The following MYO16 variants were observed in gnomAD, a reference collection of about 807,000 sequenced individuals.
MYO16 encodes myosin XVI, also known as unconventional myosin-XVI.
Under a neutral mutation model 205.3 loss-of-function variants are expected in MYO16, and 94 were observed. That is an observed-to-expected ratio of 0.46 (90% CI 0.39 to 0.54). MYO16 has a LOEUF of 0.54. Ranked by LOEUF, MYO16 falls within the 20% of genes least tolerant of loss-of-function variation. MYO16 has a pLI of 0.00. For synonymous variants in MYO16, 988 were observed against 954.0 expected (o/e 1.04, Z -0.66); for missense variants, 2,315 against 2,387.5 (o/e 0.97, Z 0.63).
chr13:108,898,386 G>GTGTC (rs1214966012), intron 15 of MYO16, among the ~76,000 whole-genome samples: 1 of 140,836 alleles, frequency 7.1e-6, no homozygotes, highest in African/African-American at 2.6e-5. Context: ...GTGTGTGTGT[G>GTGTC]TGTATACATA....
At position 108,869,520 on chromosome 13, in the gene MYO16, C is replaced by A. The variant is rs939120742; in HGVS notation, c.1425+3278C>A. ...CGGGCGAATCACGAGGTCAGGAGAT[C>A]GAGACCATCCTGGCTAACACGATGA... On this transcript the variant is annotated intron_variant, in intron 12 of 34. Transcript: ENST00000457511. 1.7e-4 allele frequency among the ~76,000 whole-genome samples: 25 copies of A among 150,708 alleles called. 1 individual carries two copies. In the East Asian group the frequency reaches 4.7e-3, roughly 28 times the overall value.
chr13:109,020,788 A>T (rs978879901), intron 23 of MYO16, among the ~76,000 whole-genome samples: 5 of 152,022 alleles, frequency 3.3e-5, no homozygotes, highest in African/African-American at 1.2e-4. Context: ...AAAATCTCTC[A>T]CCGCTGTCTT....
intron 23 of MYO16, among the ~76,000 whole-genome samples, chr13:109,044,869 TAGTAG>T (rs1886989469): frequency 6.6e-6 from 1 of 152,136 alleles, no homozygotes; most frequent in African/African-American, 2.4e-5. Context: ...TTTGTATTTT[TAGTAG>T]AGATGGGGTT....
chr13:108,973,559 C>G (rs752173118), intron 20 of MYO16, among the ~76,000 whole-genome samples: 13 of 152,076 alleles, frequency 8.5e-5, no homozygotes, highest in Non-Finnish European at 1.5e-4. Flanking sequence ...ACAACGTTGC[C>G]CCTGTGTCCC....
At chr13:108,682,892 C>CTT (rs1050326713) in intron 2 of MYO16, among the ~76,000 whole-genome samples, 1 of 152,084 alleles carries the variant, frequency 6.6e-6, no homozygotes, top group African/African-American at 2.4e-5. Flanking sequence ...CTGGATGCAT[C>CTT]TTTATTGATC....
chr13:108,619,845 G>C (rs573286787), intron 1 of MYO16, among the ~76,000 whole-genome samples: 1 of 152,182 alleles, frequency 6.6e-6, no homozygotes, highest in East Asian at 1.9e-4. Context: ...AGTTCATCAG[G>C]CAAGGGACGA....
intron 15 of MYO16, among the ~76,000 whole-genome samples, chr13:108,907,278 A>G (rs922495178): frequency 6.6e-6 from 1 of 152,166 alleles, no homozygotes; most frequent in African/African-American, 2.4e-5. Context: ...ATCTGCAAAC[A>G]TATATATTTT....
At chr13:108,751,061 TCACACACACA>T (rs35604385) in intron 4 of MYO16, among the ~76,000 whole-genome samples, 2 of 149,854 alleles carry the variant, frequency 1.3e-5, no homozygotes, top group East Asian at 2.0e-4. Flanking sequence ...ATATGTGTGT[TCACACACACA>T]CACACACACA....
At chr13:108,663,459 A>G (rs1448540973) in intron 1 of MYO16, among the ~76,000 whole-genome samples, 4 of 152,224 alleles carry the variant, frequency 2.6e-5, no homozygotes, top group African/African-American at 7.2e-5. Context: ...GAATCAATTT[A>G]TAAACTAATG....
intron 20 of MYO16, among the ~76,000 whole-genome samples, chr13:108,971,530 C>T (rs1331772604): frequency 6.6e-6 from 1 of 150,822 alleles, no homozygotes; most frequent in Non-Finnish European, 1.5e-5. Flanking sequence ...GATATGACAT[C>T]CACTTTTTTG....
chr13:108,654,342 C>G (rs1031911134), intron 1 of MYO16, among the ~76,000 whole-genome samples: 2 of 152,146 alleles, frequency 1.3e-5, no homozygotes, highest in Non-Finnish European at 2.9e-5. Flanking sequence ...GGAAGTCTCA[C>G]GAGATCTGAT....
rs1877001869 is a variant in MYO16 at position 109,140,503 on chromosome 13, G to A, written c.4291G>A (p.Glu1431Lys). 2 of 1,549,590 alleles carry A rather than the reference G, an allele frequency of 1.3e-6. No individual in the cohort carries two copies. The highest frequency in any genetic ancestry group is 1.2e-5 in the South Asian group (1 of 85,322). ...AAPPGDEDDS[E>K]PVYIEMLGHA... is the part of the protein sequence containing the mutation. Reference sequence around the variant, plus strand: ...GCCTCCGGGTGACGAGGACGACAGCGAGCCTGTGTACATCGAGATGCTGGG... The same window carrying A: ...GCCTCCGGGTGACGAGGACGACAGCAAGCCTGTGTACATCGAGATGCTGGG... The change falls in exon 32 of 35, where the codon GAG becomes AAG. Residue 1431 changes from glutamate to lysine, a missense_variant. Physicochemically the swap from Glu to Lys is moderately conservative, Grantham distance 56. Around this residue, in one of 3 missense-constraint regions of MYO16, gnomAD observed 1,097 missense variants for 1,092.0 expected, o/e 1.00. Transcript: ENST00000457511. This position sits in a 1 kb window ranked among gnomAD's most constrained non-coding sequence, Gnocchi z 8.0.
intron 1 of MYO16, among the ~76,000 whole-genome samples, chr13:108,654,224 G>T (rs1031353516): frequency 2.0e-5 from 3 of 152,132 alleles, no homozygotes; most frequent in African/African-American, 7.2e-5. Flanking sequence ...TTCCCACCCA[G>T]TTCTCATCTT....
chr13:109,105,694 G>A (rs1351450025), intron 28 of MYO16, among the ~76,000 whole-genome samples: 3 of 152,272 alleles, frequency 2.0e-5, no homozygotes, highest in Non-Finnish European at 1.5e-5. Context: ...TTGTGAGAAA[G>A]CTGTAAGTCA....
At chr13:108,985,910 G>A (rs1377113879) in intron 20 of MYO16, among the ~76,000 whole-genome samples, 2 of 152,034 alleles carry the variant, frequency 1.3e-5, no homozygotes, top group Admixed American at 6.6e-5. Flanking sequence ...CTGTTTTCAC[G>A]CTGCTGATAA....
chr13:109,116,705 C>T (rs1156905946), intron 28 of MYO16, among the ~76,000 whole-genome samples: 1 of 152,234 alleles, frequency 6.6e-6, no homozygotes, highest in Non-Finnish European at 1.5e-5. Context: ...TTCCCCTTTT[C>T]CCTACTTCCT....
the MYO16 span, among the ~76,000 whole-genome samples, chr13:108,580,450 A>T: frequency 2.0e-5 from 3 of 152,232 alleles, no homozygotes; most frequent in African/African-American, 7.2e-5. Flanking sequence ...CTTAGTGTTT[A>T]CAAAGCATTA....
chr13:109,088,710 C>G (rs1229147979), intron 27 of MYO16, among the ~76,000 whole-genome samples: 1 of 152,266 alleles, frequency 6.6e-6, no homozygotes, highest in Non-Finnish European at 1.5e-5. Flanking sequence ...GGGCCGCAGT[C>G]CTTCATGCTC....
chr13:108,859,633 G>A (rs992598370), intron 11 of MYO16, among the ~76,000 whole-genome samples: 5 of 152,184 alleles, frequency 3.3e-5, no homozygotes, highest in African/African-American at 1.2e-4. Context: ...TGAAATGCGT[G>A]TGATGAGACA....
Sources: allele counts gnomAD v4.1 joint callset (sites outside exome capture counted in the v4.1 genomes callset), GRCh38; gene constraint gnomAD v4.1.1; regional missense constraint gnomAD v4.1.1; non-coding constraint Gnocchi (gnomAD v3.1); transcripts MANE v1.5; gene names NCBI Gene and HGNC (gene_info 2026-07-23, HGNC 2026-07-21).